The following CBR4 variants were observed in gnomAD, a reference collection of about 807,000 sequenced individuals.
CBR4 encodes the protein 3-oxoacyl-[acyl-carrier-protein] reductase.
A neutral mutation model predicts 21.0 loss-of-function variants in CBR4; 22 were observed. That is an observed-to-expected ratio of 1.05 (90% CI 0.75 to 1.50). CBR4 has a LOEUF of 1.50. Among genes scored for constraint, CBR4 ranks in the 40% most tolerant of loss-of-function variants. The pLI, the probability that CBR4 is intolerant of heterozygous loss-of-function variation, is 0.00. For missense variants in CBR4, 302 were observed against 286.3 expected (o/e 1.05, Z -0.40); for synonymous variants, 100 against 104.4 (o/e 0.96, Z 0.26).
chr4:168,982,966 A>T (rs1252821229), downstream of CBR4, among the ~76,000 whole-genome samples: 1 of 152,160 alleles, frequency 6.6e-6, no homozygotes, highest in Non-Finnish European at 1.5e-5. Flanking sequence ...TACATCAAAA[A>T]GTTAGAAAGA....
chr4:168,901,217 A>C (rs1302820475), intron 2 of CBR4, among the ~76,000 whole-genome samples: 1 of 152,218 alleles, frequency 6.6e-6, no homozygotes, highest in Non-Finnish European at 1.5e-5. Context: ...TAGGATTGTT[A>C]AAGTATGGAA....
intron 2 of CBR4, among the ~76,000 whole-genome samples, chr4:168,958,012 T>A (rs1560963245): frequency 2.0e-5 from 3 of 152,184 alleles, no homozygotes; most frequent in Non-Finnish European, 4.4e-5. Context: ...TGCGGAACTA[T>A]GAGTAATTAA....
At chr4:168,947,161 T>G (rs746276488) in intron 2 of CBR4, among the ~76,000 whole-genome samples, 1 of 152,038 alleles carries the variant, frequency 6.6e-6, no homozygotes, top group Non-Finnish European at 1.5e-5. Flanking sequence ...CAATGTAAAA[T>G]TTACCATCTT....
At chr4:168,937,603 A>G (rs764140160) in intron 2 of CBR4, among the ~76,000 whole-genome samples, 7 of 149,876 alleles carry the variant, frequency 4.7e-5, no homozygotes, top group Non-Finnish European at 7.4e-5. Context: ...CTCAAAATAA[A>G]TGGAAGAATA....
In CBR4 at chr4:168,996,293, T is replaced by C. The variant is rs541951341; in HGVS notation, c.535+5778A>G. ...GACATGAACATGTCCAAAGAGCCTC[T>C]CTTCATTTTCTGTAGCTTTTTAAAA... On this transcript the variant is annotated intron_variant, in intron 4 of 4. Coordinates refer to ENST00000306193, the MANE Select transcript of CBR4 (RefSeq NM_032783.5). 1.9e-3 allele frequency among the ~76,000 whole-genome samples: 289 copies of C among 152,322 alleles called. 1 individual carries two copies. The highest frequency in any genetic ancestry group is 6.7e-3 in the African/African-American group (277 of 41,572).
intron 2 of CBR4, among the ~76,000 whole-genome samples, chr4:168,953,249 G>A (rs369474702): frequency 5.9e-5 from 9 of 151,860 alleles, no homozygotes; most frequent in African/African-American, 7.2e-5. Context: ...CCGAAAGGCC[G>A]GTCTTACTCC....
chr4:168,898,438 G>A lies in CBR4; in HGVS notation n.170-3673C>T, dbSNP rs10026521. The A allele has an allele frequency of 0.12, 136,114 of 1,123,888 alleles. 9,214 individuals are homozygous for A. Among genetic ancestry groups the A allele is most frequent in the African/African-American group, 0.26 (16,964 of 65,368 alleles). The allele number at this position is 1,123,888 out of a possible 1,614,324, so 69.6% of individuals were successfully genotyped here. A position where few individuals can be genotyped will look rare whatever the true frequency, so the allele number is the denominator to read the frequency against. ...GCCTTATTGGGGGGCAGGGAGAGAC[G>A]TGACACTTTGTCAGAAGGGATTGAG... On this transcript the variant is annotated intron_variant and non_coding_transcript_variant, in intron 2 of 3. Coordinates refer to the CBR4 transcript ENST00000509108.
downstream of CBR4, among the ~76,000 whole-genome samples, chr4:168,986,708 C>G (rs1764703565): frequency 6.6e-6 from 1 of 152,072 alleles, no homozygotes; most frequent in African/African-American, 2.4e-5. Context: ...TTTCAGAGGC[C>G]AAGGCAGGAG....
rs1336857704 is a variant in CBR4 at position 168,915,919 on chromosome 4, T to C, written n.170-21154A>G. 1 of 1,613,210 alleles carries C rather than the reference T, an allele frequency of 6.2e-7. No homozygotes were observed. Among genetic ancestry groups the C allele is most frequent in the Non-Finnish European group, 8.5e-7 (1 of 1,179,250 alleles). ...GGCCTCGTTCTAGATCAAGGGACAG[T>C]GGAGACGAAAATGAACCAATTCAGG... On this transcript the variant is annotated intron_variant and non_coding_transcript_variant, in intron 2 of 3. Coordinates refer to the CBR4 transcript ENST00000509108.
chr4:168,934,937 A>G (rs922392036), intron 2 of CBR4, among the ~76,000 whole-genome samples: 1 of 152,224 alleles, frequency 6.6e-6, no homozygotes, highest in African/African-American at 2.4e-5. Context: ...TCCTCAATAT[A>G]ATATTAGTAA....
At chr4:168,967,229 C>T (rs1026332655) in intron 2 of CBR4, among the ~76,000 whole-genome samples, 2 of 152,018 alleles carry the variant, frequency 1.3e-5, no homozygotes, top group African/African-American at 4.8e-5. Flanking sequence ...AGCTGGAAAC[C>T]ATCATTCTAA....
chr4:169,009,095 G>T (rs914345704), intron 1 of CBR4: 1 of 441,068 alleles, frequency 2.3e-6, no homozygotes, highest in Non-Finnish European at 4.5e-6. Flanking sequence ...CACAAAAACA[G>T]TAAGAGCCAC....
At chr4:168,919,428 G>A (rs1250511664) in intron 2 of CBR4, among the ~76,000 whole-genome samples, 1 of 151,954 alleles carries the variant, frequency 6.6e-6, no homozygotes, top group Non-Finnish European at 1.5e-5. Flanking sequence ...AGGAGGCTGA[G>A]GCAAGAGAAT....
At chr4:168,942,403 T>TA (rs1220622039) in intron 2 of CBR4, among the ~76,000 whole-genome samples, 3 of 147,390 alleles carry the variant, frequency 2.0e-5, no homozygotes, top group African/African-American at 7.5e-5. Flanking sequence ...AAGTACAATT[T>TA]AAAAAAAAAG....
At chr4:169,000,419 C>A (rs569785740) in intron 4 of CBR4, among the ~76,000 whole-genome samples, 1 of 151,520 alleles carries the variant, frequency 6.6e-6, no homozygotes, top group South Asian at 2.1e-4. Flanking sequence ...AATAAAGACA[C>A]ACTATAGACC....
chr4:168,973,604 A>G (rs1260672104), intron 2 of CBR4, among the ~76,000 whole-genome samples: 1 of 152,256 alleles, frequency 6.6e-6, no homozygotes, highest in Non-Finnish European at 1.5e-5. Flanking sequence ...CTGGGATTAC[A>G]GGCGTGAGCC....
intron 2 of CBR4, among the ~76,000 whole-genome samples, chr4:168,956,563 A>C (rs1399825851): frequency 7.6e-6 from 1 of 131,254 alleles, no homozygotes; most frequent in Non-Finnish European, 1.5e-5. Flanking sequence ...GCACCACTGC[A>C]CTCCAGCCTG....
chr4:168,922,102 TACACACACACACACAC>T (rs35503011), intron 2 of CBR4, among the ~76,000 whole-genome samples: 1,760 of 132,566 alleles, frequency 0.013, 20 homozygotes, highest in Non-Finnish European at 0.019. Context: ...TATATATATA[TACACACACACACACAC>T]ACACACACAC....
intron 2 of CBR4, among the ~76,000 whole-genome samples, chr4:168,944,598 C>A (rs1763352661): frequency 6.6e-6 from 1 of 152,040 alleles, no homozygotes; most frequent in Non-Finnish European, 1.5e-5. Context: ...AGTTCCTCAA[C>A]CATAAGGGAT....
Sources: allele counts gnomAD v4.1 joint callset (sites outside exome capture counted in the v4.1 genomes callset), GRCh38; gene constraint gnomAD v4.1.1; transcripts MANE v1.5; gene names NCBI Gene and HGNC (gene_info 2026-07-23, HGNC 2026-07-21).